KIAA0825: variants seen among roughly 807,000 people sequenced by gnomAD.
KIAA0825 encodes the protein KIAA0825, also known as uncharacterized protein KIAA0825.
A neutral mutation model predicts 147.6 loss-of-function variants in KIAA0825; 119 were observed. That is an observed-to-expected ratio of 0.81 (90% confidence interval 0.69 to 0.94). KIAA0825 has a LOEUF of 0.94. Ranked by LOEUF, KIAA0825 falls within the 40% of genes least tolerant of loss-of-function variation. The pLI, the probability that KIAA0825 is intolerant of heterozygous loss-of-function variation, is 0.00. For missense variants in KIAA0825, 1,381 were observed against 1,472.7 expected (o/e 0.94, Z 1.02); for synonymous variants, 470 against 518.1 (o/e 0.91, Z 1.26).
At chr5:94,294,970 T>G (rs1024783878) in intron 20 of KIAA0825, among the ~76,000 whole-genome samples, 1 of 152,174 alleles carries the variant, frequency 6.6e-6, no homozygotes, top group Non-Finnish European at 1.5e-5. Flanking sequence ...TTGGCCTCTC[T>G]TGCTAGGTTG....
At chr5:94,316,842 G>A (rs1487909473) in intron 20 of KIAA0825, among the ~76,000 whole-genome samples, 1 of 151,566 alleles carries the variant, frequency 6.6e-6, no homozygotes, top group Non-Finnish European at 1.5e-5. Flanking sequence ...AATATTGAAA[G>A]TGTCCCTTTA....
intron 20 of KIAA0825, among the ~76,000 whole-genome samples, chr5:94,273,632 C>T (rs1328556570): frequency 6.6e-6 from 1 of 152,098 alleles, no homozygotes; most frequent in Admixed American, 6.6e-5. Context: ...ATAAATTCTT[C>T]CTAAGTTTCC....
intron 20 of KIAA0825, among the ~76,000 whole-genome samples, chr5:94,244,766 ACCTTT>A (rs1283240159): frequency 1.2e-4 from 18 of 152,160 alleles, no homozygotes; most frequent in Non-Finnish European, 2.5e-4. Flanking sequence ...GTAGGGAGTA[ACCTTT>A]AGGTACCTTA....
chr5:94,341,184 A>C (rs1369501685), intron 20 of KIAA0825, among the ~76,000 whole-genome samples: 1 of 152,198 alleles, frequency 6.6e-6, no homozygotes, highest in Non-Finnish European at 1.5e-5. Context: ...AATATGAAAA[A>C]TGTTTCTTCT....
intron 3 of KIAA0825, among the ~76,000 whole-genome samples, chr5:94,529,369 GT>G (rs1770246439): frequency 1.7e-5 from 2 of 115,520 alleles, no homozygotes; most frequent in Admixed American, 9.5e-5. Context: ...TATCATATAT[GT>G]ATATATCTCA....
intron 7 of KIAA0825, among the ~76,000 whole-genome samples, chr5:94,475,555 C>T (rs1445807169): frequency 6.6e-6 from 1 of 152,200 alleles, no homozygotes; most frequent in African/African-American, 2.4e-5. Flanking sequence ...CGCCTATAAT[C>T]CCAGCACTTT....
At chr5:94,306,002 C>T (rs1275589462) in intron 20 of KIAA0825, among the ~76,000 whole-genome samples, 1 of 151,868 alleles carries the variant, frequency 6.6e-6, no homozygotes, top group African/African-American at 2.4e-5. Flanking sequence ...ACATTATTAT[C>T]TCTCCATGAA....
intron 20 of KIAA0825, among the ~76,000 whole-genome samples, chr5:94,324,577 C>T (rs1780502144): frequency 6.6e-6 from 1 of 151,966 alleles, no homozygotes; most frequent in Non-Finnish European, 1.5e-5. Context: ...TTGATTCAGT[C>T]TTTGTTACCA....
At chr5:94,306,790 C>A (rs1040072538) in intron 20 of KIAA0825, among the ~76,000 whole-genome samples, 9 of 151,908 alleles carry the variant, frequency 5.9e-5, no homozygotes, top group Non-Finnish European at 1.2e-4. Flanking sequence ...GCCCTCATTT[C>A]TTTCCGTAAT....
At chr5:94,275,254 G>C (rs1777169211) in intron 20 of KIAA0825, among the ~76,000 whole-genome samples, 1 of 152,138 alleles carries the variant, frequency 6.6e-6, no homozygotes, top group African/African-American at 2.4e-5. Context: ...ACTTCGGAGA[G>C]TTGTTGGAAT....
At chr5:94,460,000 G>T (rs116227230) in intron 12 of KIAA0825, among the ~76,000 whole-genome samples, 1 of 151,912 alleles carries the variant, frequency 6.6e-6, no homozygotes, top group Non-Finnish European at 1.5e-5. Flanking sequence ...TAATCAGAGG[G>T]GCTAGAGAGG....
intron 13 of KIAA0825, 90 bp from the exon 14 acceptor site, chr5:94,440,211 T>C: frequency 8.0e-7 from 1 of 1,255,682 alleles, no homozygotes; most frequent in Non-Finnish European, 1.1e-6. Context: ...GCTAACTCCT[T>C]TAAATGTCAA....
chr5:94,448,333 T>C (rs1206496633), intron 13 of KIAA0825, among the ~76,000 whole-genome samples: 2 of 151,856 alleles, frequency 1.3e-5, no homozygotes, highest in African/African-American at 4.8e-5. Context: ...ATATGAAAAA[T>C]TGTGCTTTTA....
chr5:94,344,405 C>T (rs923297587), intron 20 of KIAA0825, among the ~76,000 whole-genome samples: 1 of 152,134 alleles, frequency 6.6e-6, no homozygotes, highest in East Asian at 1.9e-4. Flanking sequence ...AATGAAAACA[C>T]AAAAATAACA....
At position 94,289,950 on chromosome 5, in the gene KIAA0825, A is replaced by G. The variant is rs539221300; in HGVS notation, c.3710+94418T>C. Reference sequence around the variant, plus strand: ...AAAAAAAAAAAAAATCAAAAGGACAATCATTTGGTATTTATTAGTTCACAG... The same window carrying G: ...AAAAAAAAAAAAAATCAAAAGGACAGTCATTTGGTATTTATTAGTTCACAG... On this transcript the variant is annotated intron_variant, in intron 20 of 20. Transcript: ENST00000682413. Among the ~76,000 whole-genome samples, 5 of 152,062 alleles carry G rather than the reference A, an allele frequency of 3.3e-5. No homozygotes were observed. The South Asian group carries it at 1.0e-3, about 32-fold the overall frequency.
At chr5:94,329,233 T>C (rs1215248461) in intron 20 of KIAA0825, among the ~76,000 whole-genome samples, 1 of 151,930 alleles carries the variant, frequency 6.6e-6, no homozygotes, top group African/African-American at 2.4e-5. Context: ...ATAAAAGATA[T>C]AAGATATGGA....
In KIAA0825 at chr5:94,269,851, T is replaced by G. The variant is rs372287706; in HGVS notation, c.3710+114517A>C. On this transcript the variant is annotated intron_variant, in intron 20 of 20. Coordinates refer to ENST00000682413, the MANE Select transcript of KIAA0825 (RefSeq NM_001145678.3). ...AAATTGAAACAAAGAATACAAAAGA[T>G]CAACAAAAACTTGCTTTTTAAAAAA... 4.0e-5 allele frequency among the ~76,000 whole-genome samples: 6 copies of G among 151,428 alleles called. No individual in the cohort carries two copies. The East Asian group carries it at 1.2e-3, about 29-fold the overall frequency.
chr5:94,606,241 C>T (rs1787466412), intron 1 of KIAA0825, among the ~76,000 whole-genome samples: 1 of 152,102 alleles, frequency 6.6e-6, no homozygotes, highest in South Asian at 2.1e-4. Flanking sequence ...AAACACTCCT[C>T]AAAGAAATTA....
intron 12 of KIAA0825, 86 bp from the exon 13 acceptor site, chr5:94,453,155 T>A (rs1758630580): frequency 1.4e-6 from 1 of 713,574 alleles, no homozygotes; most frequent in Non-Finnish European, 2.3e-6. Flanking sequence ...TACTTAGGAT[T>A]CAGTTAATGA....
Sources: allele counts gnomAD v4.1 joint callset (sites outside exome capture counted in the v4.1 genomes callset), GRCh38; gene constraint gnomAD v4.1.1; transcripts MANE v1.5; gene names NCBI Gene and HGNC (gene_info 2026-07-23, HGNC 2026-07-21).